Variants in CSNK1G1 observed in about 807,000 individuals in gnomAD.
CSNK1G1 encodes the protein casein kinase 1 gamma 1.
Under a neutral mutation model 59.6 loss-of-function variants are expected in CSNK1G1, and 22 were observed. That is an observed-to-expected ratio of 0.37 (90% CI 0.26 to 0.53). The LOEUF is 0.53. Among genes scored for constraint, CSNK1G1 ranks in the 20% least tolerant of loss-of-function variants. The pLI, the probability that CSNK1G1 is intolerant of heterozygous loss-of-function variation, is 0.89. For synonymous variants in CSNK1G1, 179 were observed against 177.1 expected (o/e 1.01, Z -0.08); for missense variants, 384 against 519.5 (o/e 0.74, Z 2.54).
intron 2 of CSNK1G1, among the ~76,000 whole-genome samples, chr15:64,277,888 TAA>T: frequency 7.1e-6 from 1 of 140,158 alleles, no homozygotes; most frequent in Non-Finnish European, 1.5e-5. Context: ...TTGATATATT[TAA>T]TATATTGATA....
At position 64,300,360 on chromosome 15, in the gene CSNK1G1, C is replaced by A. The variant is rs776317257; in HGVS notation, c.140G>T (p.Gly47Val). The A allele has an allele frequency of 1.2e-5, 20 of 1,614,062 alleles. No individual in the cohort carries two copies. The highest frequency in any genetic ancestry group is 1.7e-5 in the Non-Finnish European group (20 of 1,180,028). ...GAAGTTCCCACATCCTATCTTCTTG[C>A]CAACCCTGAAGTTGGGTCCCACCAT... The part of the protein sequence containing the change: ...VLMVGPNFRV[G>V]KKIGCGNFGE... The change falls in exon 2 of 12, where the codon GGC (glycine) becomes GTC (valine). Residue 47 changes from glycine to valine, a missense_variant. Physicochemically the swap from Gly to Val is moderately radical, Grantham distance 109 (BLOSUM62 -3). This residue lies in a region of CSNK1G1 where 56 missense variants were observed against 60.8 expected (regional missense o/e 0.92). Transcript: ENST00000303052.
chr15:64,245,367 A>T (rs142733328), intron 4 of CSNK1G1, among the ~76,000 whole-genome samples: 1 of 152,348 alleles, frequency 6.6e-6, no homozygotes, highest in African/African-American at 2.4e-5. Context: ...TAAGGGATTA[A>T]TTAATAGCCA....
chr15:64,344,753 C>T (rs150720496), intron 1 of CSNK1G1, among the ~76,000 whole-genome samples: 27 of 152,284 alleles, frequency 1.8e-4, no homozygotes, highest in African/African-American at 6.5e-4. Context: ...CATTAATTAG[C>T]TGTACAATCT....
intron 2 of CSNK1G1, chr15:64,265,796 T>C (rs778076913): frequency 3.1e-5 from 14 of 456,214 alleles, no homozygotes; most frequent in Non-Finnish European, 4.4e-5. Flanking sequence ...TGGAAGAAAA[T>C]TGGCCAGTCA....
chr15:64,172,942 C>A (rs1399936089), intron 11 of CSNK1G1, among the ~76,000 whole-genome samples: 1 of 152,100 alleles, frequency 6.6e-6, no homozygotes, highest in Admixed American at 6.5e-5. Flanking sequence ...AGTGCTGTGG[C>A]AAGGTGTACA....
At chr15:64,229,344 G>C (rs183250674) in intron 4 of CSNK1G1, among the ~76,000 whole-genome samples, 1 of 152,216 alleles carries the variant, frequency 6.6e-6, no homozygotes, top group Admixed American at 6.5e-5. Context: ...TAAAGTGGGG[G>C]CAACCCATCT....
rs762420959 is a variant in CSNK1G1, at chr15:64,300,512, CAG to C, written c.-15_-14del. The C allele has an allele frequency of 6.8e-6, 11 of 1,612,834 alleles. No homozygotes were observed. Among genetic ancestry groups the C allele is most frequent in the South Asian group, 1.1e-5 (1 of 90,946 alleles). On this transcript the variant is annotated 5_prime_UTR_variant, in exon 2 of 12. Transcript: ENST00000303052. ...TAGGATGGTCCATGATCCTACAGGA[CAG>C]AGTCTCCTATAGTACAGCAAGTAGC...
At chr15:64,280,162 GCA>G (rs1218451138) in intron 2 of CSNK1G1, among the ~76,000 whole-genome samples, 2 of 151,818 alleles carry the variant, frequency 1.3e-5, no homozygotes, top group South Asian at 4.2e-4. Context: ...ATATACGCGC[GCA>G]CACACACACA....
At chr15:64,276,946 CAAA>C (rs1304321213) in intron 2 of CSNK1G1, among the ~76,000 whole-genome samples, 3 of 54,494 alleles carry the variant, frequency 5.5e-5, no homozygotes, top group Admixed American at 2.1e-4. Context: ...GACTCCATCT[CAAA>C]AAAAAAAAAA....
At chr15:64,238,289 A>G (rs2082642544) in intron 4 of CSNK1G1, among the ~76,000 whole-genome samples, 1 of 151,374 alleles carries the variant, frequency 6.6e-6, no homozygotes, top group South Asian at 2.1e-4. Context: ...GTACAAAAAC[A>G]TGCAGCCTGG....
intron 1 of CSNK1G1, among the ~76,000 whole-genome samples, chr15:64,342,873 T>C (rs879834006): frequency 1.4e-4 from 22 of 152,200 alleles, no homozygotes; most frequent in Non-Finnish European, 2.4e-4. Flanking sequence ...TACAGATTGC[T>C]GGACCCCAGT....
chr15:64,226,203 TAA>T (rs1644011119), intron 4 of CSNK1G1, among the ~76,000 whole-genome samples: 1 of 152,078 alleles, frequency 6.6e-6, no homozygotes, highest in South Asian at 2.1e-4. Context: ...TAAAAACAGG[TAA>T]AAGTGTGTTG....
intron 4 of CSNK1G1, among the ~76,000 whole-genome samples, chr15:64,224,892 A>G (rs188234810): frequency 6.6e-6 from 1 of 152,284 alleles, no homozygotes; most frequent in African/African-American, 2.4e-5. Flanking sequence ...GAATGCCTTG[A>G]GCCTTAAAGC....
chr15:64,265,853 G>A (rs1892951543), intron 2 of CSNK1G1: 1 of 456,268 alleles, frequency 2.2e-6, no homozygotes, highest in Non-Finnish European at 4.4e-6. Context: ...GGAGGCCAAG[G>A]CAGGAGGATC....
intron 2 of CSNK1G1, chr15:64,265,629 T>C (rs989599161): frequency 3.0e-5 from 10 of 329,956 alleles, no homozygotes; most frequent in Non-Finnish European, 5.3e-5. Context: ...GAGAACAGAC[T>C]AATACAGAAG....
chr15:64,237,190 GT>G (rs893807638), intron 4 of CSNK1G1, among the ~76,000 whole-genome samples: 4 of 152,046 alleles, frequency 2.6e-5, no homozygotes, highest in African/African-American at 9.7e-5. Flanking sequence ...TGTTATTTGG[GT>G]GATGAATACC....
At chr15:64,204,412 T>TA (rs75931046) in intron 9 of CSNK1G1, 29 bp downstream of exon 9, 65,910 of 1,392,938 alleles carry the variant, frequency 0.047, 259 homozygotes, top group South Asian at 0.053. Flanking sequence ...GTAATGAGGT[T>TA]AAAAAAAAAA....
chr15:64,278,427 TATA>T (rs781244941), intron 2 of CSNK1G1, among the ~76,000 whole-genome samples: 2,980 of 131,208 alleles, frequency 0.023, 44 homozygotes, highest in African/African-American at 0.027. Context: ...TGTATATATA[TATA>T]TATTTTTTTT....
chr15:64,255,601 T>C (rs1430643155), intron 3 of CSNK1G1, among the ~76,000 whole-genome samples: 1 of 152,210 alleles, frequency 6.6e-6, no homozygotes, highest in African/African-American at 2.4e-5. Context: ...ATAACAAAAC[T>C]TACTTTTCTC....
Sources: gnomAD v4.1 joint callset for allele counts (sites outside exome capture counted in the v4.1 genomes callset) on GRCh38, gnomAD v4.1.1 for gene constraint, gnomAD v4.1.1 regional missense constraint, MANE v1.5 for transcripts, NCBI Gene and HGNC (gene_info 2026-07-23, HGNC 2026-07-21) for gene names.